The following MED13L variants were observed in gnomAD, a reference collection of about 807,000 sequenced individuals.
The protein encoded by MED13L is mediator complex subunit 13L, also known as mediator of RNA polymerase II transcription subunit 13-like.
Under a neutral mutation model 220.9 loss-of-function variants are expected in MED13L, and 7 were observed. The ratio of observed to expected loss-of-function variants is 0.03; its 90% CI spans 0.02 to 0.06. MED13L has a LOEUF of 0.06. MED13L is among the 10% of genes least tolerant of loss of function. MED13L has a pLI of 1.00. For synonymous variants in MED13L, 1,011 were observed against 1,015.2 expected (o/e 1.00, Z 0.08); for missense variants, 1,965 against 2,760.5 (o/e 0.71, Z 6.46).
chr12:116,075,227 C>G (rs561819852), intron 4 of MED13L, among the ~76,000 whole-genome samples: 1 of 152,338 alleles, frequency 6.6e-6, no homozygotes, highest in South Asian at 2.1e-4. Context: ...TCAGACTGTT[C>G]TAGCAGCTGC....
intron 2 of MED13L, among the ~76,000 whole-genome samples, chr12:116,160,529 T>A (rs959420527): frequency 2.6e-5 from 4 of 151,850 alleles, no homozygotes; most frequent in Non-Finnish European, 5.9e-5. Flanking sequence ...ACTCAGCTCC[T>A]TTGGGCCTTG....
intron 16 of MED13L, among the ~76,000 whole-genome samples, chr12:115,995,676 G>A (rs1480956154): frequency 1.3e-5 from 2 of 152,038 alleles, no homozygotes; most frequent in Non-Finnish European, 2.9e-5. Flanking sequence ...ATCCACCTCG[G>A]CCTCCCAAAA....
intron 4 of MED13L, among the ~76,000 whole-genome samples, chr12:116,042,964 T>C (rs922611303): frequency 6.6e-6 from 1 of 152,208 alleles, no homozygotes; most frequent in Non-Finnish European, 1.5e-5. Context: ...TACCCACTGT[T>C]AGCCGATGTT....
intron 2 of MED13L, among the ~76,000 whole-genome samples, chr12:116,198,757 T>C (rs1036007058): frequency 1.6e-5 from 2 of 124,802 alleles, no homozygotes; most frequent in Non-Finnish European, 3.5e-5. Context: ...ACAGATCTTA[T>C]GACTTGCCCT....
chr12:116,160,360 C>A (rs893978536), intron 2 of MED13L, among the ~76,000 whole-genome samples: 24 of 152,078 alleles, frequency 1.6e-4, no homozygotes, highest in African/African-American at 4.3e-4. Flanking sequence ...CAAACTTAGT[C>A]CAAACAAAAC....
chr12:116,247,266 T>C (rs1871179806), intron 1 of MED13L, among the ~76,000 whole-genome samples: 1 of 151,952 alleles, frequency 6.6e-6, no homozygotes, highest in Non-Finnish European at 1.5e-5. Flanking sequence ...TAAACAAAAT[T>C]AATCAAAATG....
intron 30 of MED13L, 94 bp downstream of exon 30, chr12:115,963,313 G>A: frequency 1.9e-6 from 2 of 1,047,456 alleles, no homozygotes; most frequent in Non-Finnish European, 1.5e-6. Flanking sequence ...CAGCTTCTAT[G>A]AATACCACAC....
chr12:116,046,341 CAAAAGA>C (rs953370111), intron 4 of MED13L, among the ~76,000 whole-genome samples: 10 of 151,306 alleles, frequency 6.6e-5, no homozygotes, highest in African/African-American at 2.4e-4. Flanking sequence ...AAAAAAATCA[CAAAAGA>C]AAAAGTTAAT....
Position 116,277,234 on chromosome 12 carries a change from C to CTT in MED13L, c.-104_-103insAA. The CTT allele has an allele frequency of 1.8e-6, 1 of 547,964 alleles. No individual in the cohort carries two copies. The highest frequency in any genetic ancestry group is 2.3e-6 in the Non-Finnish European group (1 of 432,372). 33.9% of individuals were successfully genotyped at this position (547,964 alleles called of 1,614,324 possible). A position where few individuals can be genotyped will look rare whatever the true frequency, so the allele number is the denominator to read the frequency against. ...CGCCTCGCCGGGGAGCGCGGGGCGG[C>CTT]CGGGCCGCCGCCGCCGCCGGGGGAG... On this transcript the variant is annotated 5_prime_UTR_variant, in exon 1 of 31. Coordinates refer to ENST00000281928, the MANE Select transcript of MED13L (RefSeq NM_015335.5).
At chr12:116,046,092 A>C (rs1186958259) in intron 4 of MED13L, among the ~76,000 whole-genome samples, 2 of 152,150 alleles carry the variant, frequency 1.3e-5, no homozygotes, top group African/African-American at 4.8e-5. Context: ...TCATTCTCTA[A>C]CTACTCTTTA....
chr12:116,178,994 T>C (rs1593134410), intron 2 of MED13L, among the ~76,000 whole-genome samples: 2 of 152,200 alleles, frequency 1.3e-5, no homozygotes, highest in East Asian at 3.8e-4. Context: ...TTTTGAATAG[T>C]GTATTCTAAT....
At chr12:116,270,740 A>G (rs1373074172) in intron 1 of MED13L, among the ~76,000 whole-genome samples, 3 of 152,096 alleles carry the variant, frequency 2.0e-5, no homozygotes, top group Non-Finnish European at 4.4e-5. Flanking sequence ...GAAAGTATAT[A>G]TACTATAAAA....
chr12:116,240,360 G>T (rs1409331021), intron 1 of MED13L, among the ~76,000 whole-genome samples: 3 of 152,064 alleles, frequency 2.0e-5, no homozygotes, highest in African/African-American at 7.2e-5. Context: ...GCCTCCCAAA[G>T]TGCTGGGATT....
intron 4 of MED13L, among the ~76,000 whole-genome samples, chr12:116,086,256 T>C: frequency 6.6e-6 from 1 of 151,816 alleles, no homozygotes; most frequent in Middle Eastern, 3.4e-3. Context: ...ATGTAGTATT[T>C]TAATTTAGCA....
intron 3 of MED13L, among the ~76,000 whole-genome samples, chr12:116,103,218 T>C (rs915094211): frequency 2.0e-5 from 3 of 152,136 alleles, no homozygotes; most frequent in African/African-American, 7.2e-5. Flanking sequence ...TTTTAATGTC[T>C]AATCTCATTC....
At position 116,009,443 on chromosome 12, in the gene MED13L, T is replaced by C. The variant is rs183852718; in HGVS notation, c.1281-311A>G. Among the ~76,000 whole-genome samples the C allele has an allele frequency of 2.0e-3, 300 of 152,254 alleles. 2 individuals are homozygous for C. The highest frequency in any genetic ancestry group is 0.013 in the Admixed American group (197 of 15,286). ...GTGAGGGCCTCAGATAACCTATTCA[T>C]ACTGCATCTTAAAACCATGAGAGTA... On this transcript the variant is annotated intron_variant, in intron 9 of 30. Coordinates refer to ENST00000281928, the MANE Select transcript of MED13L (RefSeq NM_015335.5).
intron 1 of MED13L, among the ~76,000 whole-genome samples, chr12:116,246,041 CCAAAAT>C (rs1220070692): frequency 2.0e-5 from 3 of 152,064 alleles, no homozygotes; most frequent in Non-Finnish European, 2.9e-5. Context: ...GGTCACATAT[CCAAAAT>C]CAGGATTTCT....
At chr12:116,268,926 T>C (rs1192187439) in intron 1 of MED13L, among the ~76,000 whole-genome samples, 3 of 152,212 alleles carry the variant, frequency 2.0e-5, no homozygotes, top group Admixed American at 1.3e-4. Context: ...TGCTTTATCT[T>C]CTCCTATCAA....
chr12:116,230,829 T>C (rs1869488687), intron 2 of MED13L, among the ~76,000 whole-genome samples: 1 of 152,178 alleles, frequency 6.6e-6, no homozygotes, highest in Non-Finnish European at 1.5e-5. Flanking sequence ...ACCATTTAGT[T>C]AAGGATAACC....
Sources: allele counts gnomAD v4.1 joint callset (sites outside exome capture counted in the v4.1 genomes callset), GRCh38; gene constraint gnomAD v4.1.1; transcripts MANE v1.5; gene names NCBI Gene and HGNC (gene_info 2026-07-23, HGNC 2026-07-21).